The following SMAD3 variants were observed in gnomAD, a reference collection of about 807,000 sequenced individuals.
The protein encoded by SMAD3 is MAD homolog 3.
SMAD3 carries 12 observed loss-of-function variants against 51.8 expected under a neutral mutation model. The observed-to-expected ratio is 0.23, with a 90% CI of 0.15 to 0.38. The LOEUF (loss-of-function observed/expected upper bound fraction) is 0.38. SMAD3 is among the 10% of genes least tolerant of loss of function. SMAD3 has a pLI of 1.00. For synonymous variants in SMAD3, 238 were observed against 227.7 expected (o/e 1.05, Z -0.41); for missense variants, 294 against 565.6 (o/e 0.52, Z 4.87).
rs532515532 is a variant in SMAD3 at position 67,089,675 on chromosome 15, G to A, written c.206+23315G>A. ...GAAAAGAATGAATTCTTTTCCAACT[G>A]ATGTCACTGGGAAAGGGGGACACCA... is the stretch of plus-strand genomic sequence containing the variant. On this transcript the variant is annotated intron_variant, in intron 1 of 8. Transcript: ENST00000327367. 1.0e-3 allele frequency among the ~76,000 whole-genome samples: 156 copies of A among 152,296 alleles called. 2 individuals are homozygous for A. The South Asian group carries it at 0.012, about 12-fold the overall frequency.
chr15:67,094,336 C>T (rs563178238), intron 1 of SMAD3, among the ~76,000 whole-genome samples: 1 of 152,360 alleles, frequency 6.6e-6, no homozygotes, highest in Admixed American at 6.5e-5. Context: ...GGGTGAATAG[C>T]TGATGCTCTG....
chr15:67,092,118 C>A (rs1216265005), intron 1 of SMAD3, among the ~76,000 whole-genome samples: 1 of 152,134 alleles, frequency 6.6e-6, no homozygotes. Context: ...CCACTACTTG[C>A]TGTGAGAGCC....
chr15:67,162,948 GAT>G (rs1491046984), intron 1 of SMAD3, among the ~76,000 whole-genome samples: 3 of 66,088 alleles, frequency 4.5e-5, no homozygotes, highest in Admixed American at 1.5e-4. Context: ...AGGTTTCTGT[GAT>G]GATGATGATG....
chr15:67,115,575 G>A (rs982234369), intron 1 of SMAD3, among the ~76,000 whole-genome samples: 2 of 151,742 alleles, frequency 1.3e-5, no homozygotes, highest in African/African-American at 2.4e-5. Flanking sequence ...GGGTCCTCTC[G>A]CAGTGCCCCA....
intron 1 of SMAD3, among the ~76,000 whole-genome samples, chr15:67,140,850 G>A (rs1315562526): frequency 6.6e-6 from 1 of 152,114 alleles, no homozygotes; most frequent in South Asian, 2.1e-4. Context: ...GTAAGGAAAC[G>A]GAGCAGAACT....
intron 1 of SMAD3, among the ~76,000 whole-genome samples, chr15:67,069,579 G>A (rs1187249799): frequency 2.0e-5 from 3 of 152,158 alleles, no homozygotes; most frequent in South Asian, 2.1e-4. Context: ...GCTAGACCAA[G>A]CTTAAAGCAT....
chr15:67,106,595 G>T (rs1224941280), intron 1 of SMAD3, among the ~76,000 whole-genome samples: 1 of 152,094 alleles, frequency 6.6e-6, no homozygotes, highest in East Asian at 1.9e-4. Context: ...GAGGTCAGGG[G>T]CCATTTCTTT....
At chr15:67,104,815 G>A (rs1437592667) in intron 1 of SMAD3, among the ~76,000 whole-genome samples, 2 of 152,262 alleles carry the variant, frequency 1.3e-5, no homozygotes, top group African/African-American at 4.8e-5. Context: ...AAACTGCATT[G>A]CAGGAATGAA....
intron 6 of SMAD3, among the ~76,000 whole-genome samples, chr15:67,183,395 C>T (rs1841565189): frequency 6.7e-6 from 1 of 149,186 alleles, no homozygotes; most frequent in South Asian, 2.2e-4. Context: ...TGGGTCTTCG[C>T]ATCCCCACCT....
At chr15:67,178,189 C>G (rs1197715396) in intron 5 of SMAD3, among the ~76,000 whole-genome samples, 4 of 152,206 alleles carry the variant, frequency 2.6e-5, no homozygotes, top group African/African-American at 4.8e-5. Flanking sequence ...GACCCCAGGC[C>G]TGTCTTTGAT....
At chr15:67,168,631 C>T (rs1449964626) in intron 4 of SMAD3, among the ~76,000 whole-genome samples, 7 of 152,220 alleles carry the variant, frequency 4.6e-5, no homozygotes, top group African/African-American at 1.7e-4. Context: ...AGATTTCACC[C>T]TGTCAGCTCT....
intron 1 of SMAD3, among the ~76,000 whole-genome samples, chr15:67,090,459 C>G (rs999197043): frequency 6.6e-6 from 1 of 152,078 alleles, no homozygotes; most frequent in African/African-American, 2.4e-5. Context: ...TCATTGACAG[C>G]TGGGGGAAAC....
intron 1 of SMAD3, among the ~76,000 whole-genome samples, chr15:67,146,410 G>T (rs1028996361): frequency 4.6e-5 from 7 of 152,212 alleles, no homozygotes; most frequent in Non-Finnish European, 8.8e-5. Flanking sequence ...ACCAGACTTT[G>T]AAGGTTATAG....
At chr15:67,105,981 C>A (rs998870545) in intron 1 of SMAD3, among the ~76,000 whole-genome samples, 1 of 152,178 alleles carries the variant, frequency 6.6e-6, no homozygotes, top group Admixed American at 6.5e-5. Context: ...CCTCAGGAAG[C>A]AATCATTTTA....
At chr15:67,115,381 C>T (rs1207228171) in intron 1 of SMAD3, among the ~76,000 whole-genome samples, 1 of 152,182 alleles carries the variant, frequency 6.6e-6, no homozygotes, top group Non-Finnish European at 1.5e-5. Context: ...AATGGCCTCC[C>T]TCCACAGTCT....
chr15:67,071,788 G>C (rs1960060029), intron 1 of SMAD3, among the ~76,000 whole-genome samples: 1 of 152,154 alleles, frequency 6.6e-6, no homozygotes, highest in Non-Finnish European at 1.5e-5. Flanking sequence ...CTCCAGCCTG[G>C]GCGACAGAGC....
At chr15:67,078,834 T>C (rs72743421) in intron 1 of SMAD3, among the ~76,000 whole-genome samples, 11,559 of 152,304 alleles carry the variant, frequency 0.076, 781 homozygotes, top group East Asian at 0.23. Flanking sequence ...TTATTTGAGC[T>C]TCCTTTTCCT....
intron 1 of SMAD3, among the ~76,000 whole-genome samples, chr15:67,093,501 T>G (rs920834182): frequency 9.2e-5 from 14 of 152,162 alleles, no homozygotes; most frequent in Admixed American, 7.9e-4. Context: ...GGTAGCAAGC[T>G]AGGGTCGTCT....
At chr15:67,112,391 C>A (rs1161452989) in intron 1 of SMAD3, among the ~76,000 whole-genome samples, 1 of 130,432 alleles carries the variant, frequency 7.7e-6, no homozygotes, top group Non-Finnish European at 1.6e-5. Context: ...GAACTCCTGA[C>A]CTCAGGTGAT....
Sources: gnomAD v4.1 joint callset for allele counts (sites outside exome capture counted in the v4.1 genomes callset) on GRCh38, gnomAD v4.1.1 for gene constraint, MANE v1.5 for transcripts, NCBI Gene and HGNC (gene_info 2026-07-23, HGNC 2026-07-21) for gene names.